The following BBX variants were observed in gnomAD, a reference collection of about 807,000 sequenced individuals.
BBX encodes HMG box transcription factor BBX.
BBX carries 30 observed loss-of-function variants against 100.2 expected under a neutral mutation model. The observed-to-expected ratio is 0.30, with a 90% CI of 0.22 to 0.41. The LOEUF is 0.41. Among genes scored for constraint, BBX ranks in the 10% least tolerant of loss-of-function variants. The pLI, the probability that BBX is intolerant of heterozygous loss-of-function variation, is 1.00. For synonymous variants in BBX, 376 were observed against 388.1 expected, an observed-to-expected ratio of 0.97 and a Z score of 0.37; for missense variants, 1,023 against 1,129.8, an observed-to-expected ratio of 0.91 and a Z score of 1.35.
intron 2 of BBX, among the ~76,000 whole-genome samples, chr3:107,578,903 C>T (rs1340124629): frequency 2.0e-5 from 3 of 152,108 alleles, no homozygotes; most frequent in Non-Finnish European, 4.4e-5. Flanking sequence ...CAGTTGCAGG[C>T]GGCAGCTACC....
intron 7 of BBX, among the ~76,000 whole-genome samples, chr3:107,738,177 A>G (rs1418060064): frequency 6.6e-6 from 1 of 151,810 alleles, no homozygotes; most frequent in Non-Finnish European, 1.5e-5. Flanking sequence ...TGTTTATTCT[A>G]ATCTCTTATA....
intron 2 of BBX, among the ~76,000 whole-genome samples, chr3:107,590,947 A>T (rs1171960806): frequency 6.6e-6 from 1 of 152,248 alleles, no homozygotes; most frequent in Non-Finnish European, 1.5e-5. Context: ...AGTGGAAGTC[A>T]GTTTGCCTGC....
In BBX at chr3:107,744,716, A is replaced by G. The variant is rs547081918; in HGVS notation, c.750+6A>G. The stretch of plus-strand genomic sequence containing the variant: ...CATTGTTTCAGTTTGCCGAGGTAAT[A>G]TATTACAATTGATACTTAACTAATG... On this transcript the variant is annotated splice_donor_region_variant and intron_variant, in intron 8 of 17. Transcript: ENST00000325805. 50 of 1,607,496 alleles carry G rather than the reference A, an allele frequency of 3.1e-5. 1 individual carries two copies. The South Asian group carries it at 4.9e-4, about 16-fold the overall frequency.
chr3:107,539,984 G>T (rs556492727), intron 2 of BBX, among the ~76,000 whole-genome samples: 3 of 152,170 alleles, frequency 2.0e-5, no homozygotes, highest in Non-Finnish European at 4.4e-5. Flanking sequence ...AATTAGGCTG[G>T]TTGATAGGGA....
intron 15 of BBX, among the ~76,000 whole-genome samples, chr3:107,797,323 T>A (rs1455633778): frequency 1.2e-4 from 16 of 136,664 alleles, no homozygotes; most frequent in Non-Finnish European, 2.2e-4. Context: ...CCTCTTAGTT[T>A]AGCTTTTCTT....
At position 107,619,843 on chromosome 3, in the gene BBX, T is replaced by C. The variant is rs187817534; in HGVS notation, c.-83-25993T>C. Among the ~76,000 whole-genome samples, 49 of 152,268 alleles carry C rather than the reference T, an allele frequency of 3.2e-4. 1 individual carries two copies. In the East Asian group the frequency reaches 5.4e-3, roughly 17 times the overall value. On this transcript the variant is annotated intron_variant, in intron 2 of 17. Coordinates refer to ENST00000325805, the MANE Select transcript of BBX (RefSeq NM_001142568.3). ...TCCCATATAAGTAAGGTGTCTTTTT[T>C]CTCTTATTGTTTTCAAGATTTGAGA...
chr3:107,757,167 C>T (rs193295219), intron 10 of BBX, among the ~76,000 whole-genome samples: 1 of 151,826 alleles, frequency 6.6e-6, no homozygotes. Context: ...GTAAAACCAG[C>T]TTTCAATGTA....
At chr3:107,733,238 G>A (rs757106654) in intron 7 of BBX, among the ~76,000 whole-genome samples, 3 of 152,130 alleles carry the variant, frequency 2.0e-5, no homozygotes, top group Non-Finnish European at 4.4e-5. Context: ...CACAGGTGTT[G>A]TTTTCTGAAC....
Position 107,786,730 on chromosome 3 carries a change from G to T in BBX, c.2204-3057G>T, listed in dbSNP as rs2068469842. On this transcript the variant is annotated intron_variant, in intron 13 of 17. Coordinates refer to ENST00000325805, the MANE Select transcript of BBX (RefSeq NM_001142568.3). ...GCAAATCTTTATAACCTCAGATTTG[G>T]CAGTGAATCCTTAAATATGATACCA... is the stretch of plus-strand genomic sequence containing the variant. 5.9e-5 allele frequency among the ~76,000 whole-genome samples: 9 copies of T among 152,144 alleles called. No individual in the cohort carries two copies. The South Asian group carries it at 1.7e-3, about 28-fold the overall frequency.
intron 2 of BBX, chr3:107,641,868 A>C (rs2057233381): frequency 6.6e-6 from 1 of 152,246 alleles, no homozygotes; most frequent in South Asian, 2.1e-4. Context: ...CAGACGGGTA[A>C]TTTTAACAAA....
At position 107,773,372 on chromosome 3, in the gene BBX, A is replaced by G; in HGVS notation, c.1651A>G (p.Arg551Gly). The G allele has an allele frequency of 6.2e-7, 1 of 1,614,152 alleles. No individual in the cohort carries two copies. Among genetic ancestry groups the G allele is most frequent in the Non-Finnish European group, 8.5e-7 (1 of 1,180,002 alleles). The change falls in exon 11 of 18, where the codon AGA becomes GGA. Residue 551 changes from arginine to glycine, a missense_variant. Around this residue, in one of 9 missense-constraint regions of BBX, gnomAD observed 348 missense variants for 353.2 expected, o/e 0.99. Transcript: ENST00000325805. This position sits in a 1 kb window ranked among gnomAD's most constrained non-coding sequence, Gnocchi z 4.1. The part of the protein sequence containing the change: ...EKSSDTTKES[R>G]PPDFISISAS... ...ATCCTCAGACACCACCAAAGAGTCA[A>G]GACCTCCAGATTTCATTAGTATTTC... is the stretch of plus-strand genomic sequence containing the variant.
Position 107,710,435 on chromosome 3 carries a change from CTCTCT to C in BBX, c.-9-14_-9-10del. ...TCTCCCTGTTTCCCTGTTTCTCTCT[CTCTCT>C]TCCTATTACAGGTCACAGTAATGAA... is the stretch of plus-strand genomic sequence containing the variant. On this transcript the variant is annotated splice_polypyrimidine_tract_variant and intron_variant, in intron 3 of 17. Coordinates refer to ENST00000325805, the MANE Select transcript of BBX (RefSeq NM_001142568.3). 2 of 1,576,036 alleles carry C rather than the reference CTCTCT, an allele frequency of 1.3e-6. No homozygotes were observed. Among genetic ancestry groups the C allele is most frequent in the South Asian group, 2.3e-5 (2 of 85,512 alleles).
At chr3:107,696,134 T>C (rs1187859701) in intron 3 of BBX, among the ~76,000 whole-genome samples, 2 of 151,772 alleles carry the variant, frequency 1.3e-5, no homozygotes, top group Non-Finnish European at 2.9e-5. Flanking sequence ...CACTGATGGG[T>C]CTTGACTCTT....
chr3:107,805,922 ATTTAAG>A lies in BBX; in HGVS notation c.*472_*477del, dbSNP rs1353030059. On this transcript the variant is annotated 3_prime_UTR_variant, in exon 18 of 18. Coordinates refer to ENST00000325805, the MANE Select transcript of BBX (RefSeq NM_001142568.3). ...TTCTTAGTCTTTTTTGTACATGGAG[ATTTAAG>A]TTTAAGATGGTTTATATAATAGGTT... 2 of 158,008 alleles carry A rather than the reference ATTTAAG, an allele frequency of 1.3e-5. No individual in the cohort carries two copies. Among genetic ancestry groups the A allele is most frequent in the Non-Finnish European group, 2.8e-5 (2 of 71,734 alleles). The allele number at this position is 158,008 out of a possible 1,614,324, so 9.8% of individuals were successfully genotyped here.
At chr3:107,704,859 CAG>C (rs1171400997) in intron 3 of BBX, among the ~76,000 whole-genome samples, 1 of 152,108 alleles carries the variant, frequency 6.6e-6, no homozygotes, top group African/African-American at 2.4e-5. Flanking sequence ...AAGCTCATAG[CAG>C]AGTGATGGAC....
At chr3:107,771,526 C>T (rs2066908758) in intron 10 of BBX, among the ~76,000 whole-genome samples, 1 of 152,098 alleles carries the variant, frequency 6.6e-6, no homozygotes, top group South Asian at 2.1e-4. Context: ...TAAGTAACTT[C>T]CCCAGTGCAT....
chr3:107,590,360 C>A (rs772983433), intron 2 of BBX, among the ~76,000 whole-genome samples: 2 of 152,106 alleles, frequency 1.3e-5, no homozygotes, highest in Admixed American at 1.3e-4. Context: ...GGGATATCAC[C>A]TCAAACATGT....
intron 2 of BBX, among the ~76,000 whole-genome samples, chr3:107,560,979 G>A (rs920486303): frequency 2.0e-5 from 3 of 152,140 alleles, no homozygotes; most frequent in Non-Finnish European, 4.4e-5. Context: ...GTTGTGGAAG[G>A]CTGTCCTGTG....
intron 10 of BBX, among the ~76,000 whole-genome samples, chr3:107,768,654 A>T (rs973496214): frequency 1.3e-5 from 2 of 152,132 alleles, no homozygotes; most frequent in Non-Finnish European, 2.9e-5. Context: ...AAAATACAGA[A>T]TAGAAGAGAT....
Sources: gnomAD v4.1 joint callset for allele counts (sites outside exome capture counted in the v4.1 genomes callset) on GRCh38, gnomAD v4.1.1 for gene constraint, gnomAD v4.1.1 regional missense constraint, Gnocchi (gnomAD v3.1) non-coding constraint, MANE v1.5 for transcripts, NCBI Gene and HGNC (gene_info 2026-07-23, HGNC 2026-07-21) for gene names.